Variants in SLC35D2 observed in about 807,000 individuals in gnomAD.
The protein encoded by SLC35D2 is solute carrier family 35 member D2, also known as nucleotide sugar transporter SLC35D2.
A neutral mutation model predicts 41.8 loss-of-function variants in SLC35D2; 43 were observed. The ratio of observed to expected loss-of-function variants is 1.03; its 90% CI spans 0.81 to 1.33. SLC35D2 has a LOEUF of 1.33. Ranked by LOEUF, SLC35D2 falls within the 40% of genes most tolerant of loss-of-function variation. The pLI is 0.00. For missense variants in SLC35D2, 380 were observed against 408.4 expected (o/e 0.93, Z 0.60); for synonymous variants, 150 against 163.9 (o/e 0.92, Z 0.65).
downstream of SLC35D2, among the ~76,000 whole-genome samples, chr9:96,320,051 G>A (rs1828153176): frequency 4.6e-5 from 7 of 152,300 alleles, no homozygotes; most frequent in South Asian, 1.5e-3. Context: ...TTCCAGTGGG[G>A]ACACCCATTC....
chr9:96,364,949 C>G (rs1830417580), intron 2 of SLC35D2, among the ~76,000 whole-genome samples: 1 of 148,750 alleles, frequency 6.7e-6, no homozygotes, highest in African/African-American at 2.5e-5. Context: ...ACTCAGGAGG[C>G]TGAGGCAGGA....
Position 96,320,990 on chromosome 9 carries a change from C to T in SLC35D2, c.*252G>A. ...GGTCCCTAGAAGAGCAGCTGGGGCT[C>T]CACCTACCGAGTCCCAGTGGCTTAT... On this transcript the variant is annotated 3_prime_UTR_variant, in exon 12 of 12. Coordinates refer to ENST00000253270, the MANE Select transcript of SLC35D2 (RefSeq NM_007001.3). 1 of 375,284 alleles carries T rather than the reference C, an allele frequency of 2.7e-6. No homozygotes were observed. Among genetic ancestry groups the T allele is most frequent in the Non-Finnish European group, 4.9e-6 (1 of 205,594 alleles). The allele number at this position is 375,284 out of a possible 1,614,324, so 23.2% of individuals were successfully genotyped here.
At chr9:96,371,144 A>AT (rs1271001723) in intron 1 of SLC35D2, among the ~76,000 whole-genome samples, 1 of 152,170 alleles carries the variant, frequency 6.6e-6, no homozygotes, top group African/African-American at 2.4e-5. Context: ...CCATTCTATA[A>AT]TTTAAGTTAA....
intron 9 of SLC35D2, among the ~76,000 whole-genome samples, chr9:96,330,450 A>G (rs1828757525): frequency 6.6e-6 from 1 of 152,304 alleles, no homozygotes; most frequent in African/African-American, 2.4e-5. Context: ...GCCTTAAACC[A>G]TACTTAAGTT....
intron 9 of SLC35D2, among the ~76,000 whole-genome samples, chr9:96,328,899 A>G (rs1362838701): frequency 6.6e-6 from 1 of 152,012 alleles, no homozygotes; most frequent in African/African-American, 2.4e-5. Flanking sequence ...GCCAGCCTGG[A>G]CAACATGGTG....
chr9:96,321,193 C>G lies in SLC35D2; in HGVS notation c.*49G>C, dbSNP rs765064424. Reference sequence around the variant, plus strand: ...GGCTTCACATTCCTACTGGGAATGCCCCCCCAGCCCGCAGTCACAAGTCAG... The same window carrying G: ...GGCTTCACATTCCTACTGGGAATGCGCCCCCAGCCCGCAGTCACAAGTCAG... On this transcript the variant is annotated 3_prime_UTR_variant, in exon 12 of 12. Coordinates refer to ENST00000253270, the MANE Select transcript of SLC35D2 (RefSeq NM_007001.3). 7 of 1,396,022 alleles carry G rather than the reference C, an allele frequency of 5.0e-6. No homozygotes were observed. The Admixed American group carries it at 5.2e-5, about 10-fold the overall frequency. The allele number at this position is 1,396,022 out of a possible 1,614,324, so 86.5% of individuals were successfully genotyped here.
intron 4 of SLC35D2, among the ~76,000 whole-genome samples, chr9:96,354,344 A>G (rs778203171): frequency 6.6e-6 from 1 of 152,242 alleles, no homozygotes; most frequent in African/African-American, 2.4e-5. Context: ...AACACCTTCT[A>G]TACAGAAAAT....
At chr9:96,357,936 G>C (rs1830093821) in intron 4 of SLC35D2, among the ~76,000 whole-genome samples, 2 of 151,906 alleles carry the variant, frequency 1.3e-5, no homozygotes, top group South Asian at 4.2e-4. Context: ...CTATTCAGGA[G>C]ACCGAGACAG....
At chr9:96,374,610 G>A (rs1830857050) in intron 1 of SLC35D2, among the ~76,000 whole-genome samples, 1 of 151,634 alleles carries the variant, frequency 6.6e-6, no homozygotes, top group South Asian at 2.1e-4. Flanking sequence ...CGAGGCGGGT[G>A]GATCACGAGA....
intron 1 of SLC35D2, among the ~76,000 whole-genome samples, chr9:96,375,169 T>C (rs1199170625): frequency 6.6e-6 from 1 of 151,554 alleles, no homozygotes; most frequent in Non-Finnish European, 1.5e-5. Flanking sequence ...TTTTTGTATT[T>C]TTAGTAGCGA....
At chr9:96,374,575 C>A (rs1830853531) in intron 1 of SLC35D2, among the ~76,000 whole-genome samples, 1 of 151,546 alleles carries the variant, frequency 6.6e-6, no homozygotes, top group Admixed American at 6.6e-5. Flanking sequence ...TGGCTCACCC[C>A]TGTAATCCCA....
intron 3 of SLC35D2, 44 bp from the exon 4 acceptor site, chr9:96,360,265 A>G (rs749611547): frequency 2.1e-6 from 3 of 1,428,304 alleles, no homozygotes; most frequent in Non-Finnish European, 1.9e-6. Context: ...TAGAACTCCA[A>G]TAAGCATTTT....
intron 2 of SLC35D2, among the ~76,000 whole-genome samples, chr9:96,366,401 G>T (rs904678489): frequency 1.3e-5 from 2 of 151,694 alleles, no homozygotes; most frequent in African/African-American, 4.8e-5. Flanking sequence ...GATCTAACTG[G>T]CCTCTTCCCT....
At chr9:96,365,589 A>C (rs924281218) in intron 2 of SLC35D2, among the ~76,000 whole-genome samples, 1 of 152,082 alleles carries the variant, frequency 6.6e-6, no homozygotes, top group Non-Finnish European at 1.5e-5. Flanking sequence ...TTTAAAAGAA[A>C]CTCCACACCT....
chr9:96,344,458 T>C (rs1168980428), intron 7 of SLC35D2, among the ~76,000 whole-genome samples: 1 of 131,724 alleles, frequency 7.6e-6, no homozygotes, highest in Non-Finnish European at 1.5e-5. Context: ...AAGGATGACA[T>C]ATTGTGATCC....
chr9:96,373,053 C>T (rs973669367), intron 1 of SLC35D2, among the ~76,000 whole-genome samples: 1 of 151,878 alleles, frequency 6.6e-6, no homozygotes, highest in African/African-American at 2.4e-5. Context: ...GCACCCACCA[C>T]CACGCCTGGC....
intron 6 of SLC35D2, among the ~76,000 whole-genome samples, chr9:96,348,814 A>C (rs1367655589): frequency 6.6e-6 from 1 of 152,210 alleles, no homozygotes; most frequent in East Asian, 1.9e-4. Context: ...CTGTCCTTAC[A>C]TATGTGAAGC....
At chr9:96,359,286 C>A (rs1197933270) in intron 4 of SLC35D2, among the ~76,000 whole-genome samples, 2 of 145,454 alleles carry the variant, frequency 1.4e-5, no homozygotes, top group Non-Finnish European at 3.0e-5. Context: ...CTAGCCTGGG[C>A]GACAGAGCGA....
Position 96,368,273 on chromosome 9 carries a change from T to C in SLC35D2, c.191A>G (p.Gln64Arg). ...FPSPIFLGIG[Q>R]MAATIMILYV... The stretch of plus-strand genomic sequence containing the variant: ...TTAATTCTATTTTTTTTCACTCACC[T>C]GTCCAATTCCAAGGAAAATTGGTGA... Residue 64 changes from glutamine to arginine, a missense_variant and splice_region_variant, in exon 2 of 12, where the codon CAG becomes CGG. By Grantham distance (43) the Gln-to-Arg change is conservative. Transcript: ENST00000253270. 1 of 1,604,722 alleles carries C rather than the reference T, an allele frequency of 6.2e-7. No individual in the cohort carries two copies. Among genetic ancestry groups the C allele is most frequent in the Non-Finnish European group, 8.5e-7 (1 of 1,173,900 alleles).
Sources: gnomAD v4.1 joint callset for allele counts (sites outside exome capture counted in the v4.1 genomes callset) on GRCh38, gnomAD v4.1.1 for gene constraint, MANE v1.5 for transcripts, NCBI Gene and HGNC (gene_info 2026-07-23, HGNC 2026-07-21) for gene names.